Variants in KSR1 observed in about 807,000 individuals in gnomAD.
KSR1 encodes kinase suppressor of ras.
KSR1 carries 35 observed loss-of-function variants against 92.9 expected under a neutral mutation model. That is an observed-to-expected ratio of 0.38 (90% CI 0.29 to 0.50). The LOEUF is 0.50. Ranked by LOEUF, KSR1 falls within the 20% of genes least tolerant of loss-of-function variation. KSR1 has a pLI of 0.94. For missense variants in KSR1, 972 were observed against 1,158.5 expected (o/e 0.84, Z 2.34); for synonymous variants, 467 against 472.6 (o/e 0.99, Z 0.15).
chr17:27,544,034 G>T (rs1282837085), intron 1 of KSR1, among the ~76,000 whole-genome samples: 1 of 152,178 alleles, frequency 6.6e-6, no homozygotes, highest in Admixed American at 6.5e-5. Flanking sequence ...ACCCACGTCC[G>T]CTGCCGCCGC....
chr17:27,611,973 TCA>T (rs2073933649), intron 18 of KSR1, among the ~76,000 whole-genome samples: 1 of 152,152 alleles, frequency 6.6e-6, no homozygotes, highest in Non-Finnish European at 1.5e-5. Flanking sequence ...TTTAAAAAAA[TCA>T]CTGCTGAAAA....
At chr17:27,528,351 A>G (rs1448773482) in intron 1 of KSR1, among the ~76,000 whole-genome samples, 1 of 152,168 alleles carries the variant, frequency 6.6e-6, no homozygotes, top group Admixed American at 6.6e-5. Context: ...ACGGGTGTGA[A>G]CCACTGTGCC....
intron 1 of KSR1, chr17:27,526,451 GT>G (rs940260005): frequency 5.1e-6 from 8 of 1,576,860 alleles, no homozygotes; most frequent in African/African-American, 4.1e-5. Context: ...AAAGTTTGTA[GT>G]TTTTTTTCCC....
chr17:27,523,030 G>A (rs1343472261), intron 1 of KSR1, among the ~76,000 whole-genome samples: 1 of 152,186 alleles, frequency 6.6e-6, no homozygotes, highest in African/African-American at 2.4e-5. Flanking sequence ...AGGGCCCTGG[G>A]GAGTGTAAAT....
intron 1 of KSR1, among the ~76,000 whole-genome samples, chr17:27,478,102 C>A (rs1198492324): frequency 6.6e-6 from 1 of 152,192 alleles, no homozygotes; most frequent in Non-Finnish European, 1.5e-5. Context: ...TATGTCATGA[C>A]CTTTTTACCC....
At chr17:27,521,206 G>A (rs776385318) in intron 1 of KSR1, among the ~76,000 whole-genome samples, 4 of 152,150 alleles carry the variant, frequency 2.6e-5, no homozygotes, top group Admixed American at 6.5e-5. Flanking sequence ...CCCGCTCCAA[G>A]TGATTCTGAT....
intron 19 of KSR1, among the ~76,000 whole-genome samples, chr17:27,618,074 A>G (rs2074114438): frequency 6.6e-6 from 1 of 152,132 alleles, no homozygotes; most frequent in Non-Finnish European, 1.5e-5. Flanking sequence ...GGCCAGTTAG[A>G]TAGAAATTAG....
intron 16 of KSR1, 96 bp downstream of exon 16, chr17:27,609,425 C>T: frequency 6.6e-7 from 1 of 1,504,668 alleles, no homozygotes; most frequent in Non-Finnish European, 9.2e-7. Flanking sequence ...TGCTGAGCTG[C>T]AGCCCTCCCT....
chr17:27,546,850 A>T (rs2071194265), intron 1 of KSR1, among the ~76,000 whole-genome samples: 1 of 152,126 alleles, frequency 6.6e-6, no homozygotes, highest in Non-Finnish European at 1.5e-5. Flanking sequence ...CATGCTCTGT[A>T]GGTGCTCCCC....
chr17:27,534,572 C>T (rs2070689335), intron 1 of KSR1, among the ~76,000 whole-genome samples: 1 of 152,252 alleles, frequency 6.6e-6, no homozygotes. Context: ...GGTCTGTTGG[C>T]CTCTAGGCCC....
Position 27,550,637 on chromosome 17 carries a change from C to T in KSR1, c.301C>T (p.Pro101Ser). ...KLSVAPGERT[P>S]ELNSYPRFSD... ...GAGCGTGGCTCCCGGTGAGAGGACC[C>T]CAGAGCTCAACAGCTACCCCCGCTT... Residue 101 changes from proline to serine, a missense_variant, in exon 2 of 21, where the codon CCA (proline) becomes TCA (serine). Coordinates refer to ENST00000644974, the MANE Select transcript of KSR1 (RefSeq NM_001394583.1). The T allele has an allele frequency of 1.3e-6, 1 of 764,450 alleles. No individual in the cohort carries two copies. 47.4% of individuals were successfully genotyped at this position (764,450 alleles called of 1,614,324 possible).
intron 1 of KSR1, among the ~76,000 whole-genome samples, chr17:27,520,464 T>G (rs2069975550): frequency 6.6e-6 from 1 of 152,246 alleles, no homozygotes; most frequent in African/African-American, 2.4e-5. Flanking sequence ...AGCTTAATCT[T>G]TAGAAAGGGC....
At chr17:27,468,357 TC>T (rs1035715364) in intron 1 of KSR1, among the ~76,000 whole-genome samples, 23 of 152,124 alleles carry the variant, frequency 1.5e-4, no homozygotes, top group Admixed American at 4.6e-4. Flanking sequence ...TGCCTCTGCC[TC>T]CCAAGTAGCT....
chr17:27,609,980 C>A, intron 16 of KSR1, 87 bp from the exon 17 acceptor site: 1 of 1,540,928 alleles, frequency 6.5e-7, no homozygotes, highest in Non-Finnish European at 8.8e-7. Flanking sequence ...GGGTGTTCTG[C>A]CGGCCCTGGG....
In KSR1 at chr17:27,478,594, C is replaced by T. The variant is rs189517791; in HGVS notation, c.231+21720C>T. Among the ~76,000 whole-genome samples, 524 of 152,146 alleles carry T rather than the reference C, an allele frequency of 3.4e-3. 2 individuals carry two copies. Among genetic ancestry groups the T allele is most frequent in the Non-Finnish European group, 5.9e-3 (404 of 67,996 alleles). On this transcript the variant is annotated intron_variant, in intron 1 of 20. Coordinates refer to ENST00000644974, the MANE Select transcript of KSR1 (RefSeq NM_001394583.1). ...TTGTTCTCTGGGGAGAATCCTGTGC[C>T]CCCAGGTGTGGGTTCCCATCCTGTC... is the stretch of plus-strand genomic sequence containing the variant.
intron 18 of KSR1, among the ~76,000 whole-genome samples, chr17:27,613,984 T>C (rs111920299): frequency 5.8e-4 from 89 of 152,322 alleles, no homozygotes; most frequent in African/African-American, 2.1e-3. Flanking sequence ...GTATTTTTAG[T>C]AGAGATGGGG....
At chr17:27,558,859 T>C (rs2071713240) in intron 2 of KSR1, among the ~76,000 whole-genome samples, 1 of 152,146 alleles carries the variant, frequency 6.6e-6, no homozygotes, top group Non-Finnish European at 1.5e-5. Flanking sequence ...GGGGGAACTT[T>C]GTGTGGTGGG....
At chr17:27,492,794 T>A (rs2068868233) in intron 1 of KSR1, among the ~76,000 whole-genome samples, 1 of 152,186 alleles carries the variant, frequency 6.6e-6, no homozygotes, top group Non-Finnish European at 1.5e-5. Context: ...GGACTTATTT[T>A]GAGCCCGAGT....
At chr17:27,585,616 G>T (rs750211513) in intron 4 of KSR1, 41 bp from the exon 5 acceptor site, 1 of 750,992 alleles carries the variant, frequency 1.3e-6, no homozygotes, top group Non-Finnish European at 2.5e-6. Context: ...CCGAGCCAGC[G>T]TGGTGACGTA....
Sources: gnomAD v4.1 joint callset for allele counts (sites outside exome capture counted in the v4.1 genomes callset) on GRCh38, gnomAD v4.1.1 for gene constraint, MANE v1.5 for transcripts, NCBI Gene and HGNC (gene_info 2026-07-23, HGNC 2026-07-21) for gene names.